The following GNL3L variants were observed in gnomAD, a reference collection of about 807,000 sequenced individuals.
The protein encoded by GNL3L is guanine nucleotide-binding protein-like 3-like protein.
In GNL3L, 4 loss-of-function variants were observed where a neutral mutation model predicts 42.9. The observed-to-expected ratio is 0.09, with a 90% confidence interval of 0.05 to 0.21. The LOEUF is 0.21. GNL3L is among the 10% of genes least tolerant of loss of function. The pLI is 1.00. For missense variants in GNL3L, 412 were observed against 481.7 expected (o/e 0.86, Z 1.36); for synonymous variants, 159 against 176.3 (o/e 0.90, Z 0.78).
downstream of GNL3L, among the ~76,000 whole-genome samples, chrX:54,624,167 C>T (rs1352809873): frequency 2.7e-5 from 3 of 111,199 alleles, no homozygotes; most frequent in East Asian, 8.5e-4. Flanking sequence ...GCAATTCACC[C>T]GCCTCGGCCT....
chrX:54,632,429 C>G, the GNL3L span, among the ~76,000 whole-genome samples: 1 of 108,831 alleles, frequency 9.2e-6, no homozygotes, highest in Admixed American at 9.7e-5. Context: ...TTTTTTTTAA[C>G]ATAATTTCAA....
At position 54,551,561 on chromosome X, in the gene GNL3L, G is replaced by C. The variant is rs778958675; in HGVS notation, c.864-7G>C. On this transcript the variant is annotated splice_polypyrimidine_tract_variant and splice_region_variant and intron_variant, in intron 10 of 15. Transcript: ENST00000360845. ...GTACATCTGGGCTTTCTTCTTCCCC[G>C]CCCCAGATTCATGCAGGAGGTCTAC... 8.3e-7 allele frequency: 1 copy of C among 1,203,535 alleles called. No individual in the cohort carries two copies. Among genetic ancestry groups the C allele is most frequent in the Admixed American group, 2.2e-5 (1 of 45,475 alleles).
At chrX:54,625,859 A>G (rs1926355032), downstream of GNL3L, among the ~76,000 whole-genome samples, 1 of 106,038 alleles carries the variant, frequency 9.4e-6, no homozygotes, top group Non-Finnish European at 1.9e-5. Context: ...ATGACAAAAT[A>G]TATGTGTATA....
intron 3 of GNL3L, among the ~76,000 whole-genome samples, chrX:54,539,536 G>A (rs926641765): frequency 9.0e-6 from 1 of 110,767 alleles, no homozygotes; most frequent in African/African-American, 3.3e-5. Context: ...TGAGAAGAAG[G>A]TATAGGCCAG....
chrX:54,548,572 C>T (rs1045515889), intron 9 of GNL3L, among the ~76,000 whole-genome samples, 199 bp downstream of exon 9: 11 of 110,965 alleles, frequency 9.9e-5, no homozygotes, highest in African/African-American at 3.6e-4. Context: ...ATACAGGGTG[C>T]CAGGCTTGGA....
At chrX:54,543,391 C>G (rs759677772) in intron 7 of GNL3L, 49 bp downstream of exon 7, 16 of 1,155,573 alleles carry the variant, frequency 1.4e-5, no homozygotes, top group Non-Finnish European at 1.8e-5. Context: ...GGCAGGCCAT[C>G]TTTAACGTCT....
chrX:54,532,663 T>C lies in GNL3L; in HGVS notation c.19+78T>C, dbSNP rs1601974022. 7 of 860,309 alleles carry C rather than the reference T, an allele frequency of 8.1e-6. No homozygotes were observed. In the East Asian group the frequency reaches 2.2e-4, roughly 27 times the overall value. 70.9% of individuals were successfully genotyped at this position (860,309 alleles called of 1,213,427 possible). A position where few individuals can be genotyped will look rare whatever the true frequency, so the allele number is the denominator to read the frequency against. On this transcript the variant is annotated intron_variant, in intron 2 of 15. Coordinates refer to ENST00000360845, the MANE Select transcript of GNL3L (RefSeq NM_001184819.2). ...AGAATTTCACAGCAACTTTTTGTTT[T>C]TTTGGTTTTTGTTTTGAGATGGAGT...
At chrX:54,574,619 T>C (rs1393387686) in intron 16 of GNL3L, among the ~76,000 whole-genome samples, 1 of 112,290 alleles carries the variant, frequency 8.9e-6, no homozygotes, top group Non-Finnish European at 1.9e-5. Flanking sequence ...CTGTTTTTGG[T>C]ATCAGAATAA....
chrX:54,579,986 G>GTTTGTT (rs1925686493), intron 16 of GNL3L, among the ~76,000 whole-genome samples: 1 of 47,704 alleles, frequency 2.1e-5, no homozygotes, highest in African/African-American at 9.8e-5. Flanking sequence ...CCTAAAGTTT[G>GTTTGTT]TTTTTTTTTT....
the GNL3L span, among the ~76,000 whole-genome samples, chrX:54,639,642 C>G: frequency 9.0e-6 from 1 of 111,703 alleles, no homozygotes; most frequent in African/African-American, 3.3e-5. Flanking sequence ...AGTTTACCAG[C>G]GTCTCTTACA....
intron 13 of GNL3L, among the ~76,000 whole-genome samples, chrX:54,552,930 AGCTC>A (rs1285675104): frequency 3.6e-5 from 4 of 112,091 alleles, no homozygotes; most frequent in African/African-American, 1.3e-4. Context: ...AGACTCTTCC[AGCTC>A]ACAGGAGCTG....
At chrX:54,602,244 C>T (rs957277901) in intron 16 of GNL3L, among the ~76,000 whole-genome samples, 4 of 111,493 alleles carry the variant, frequency 3.6e-5, no homozygotes, top group African/African-American at 9.8e-5. Flanking sequence ...CACCAGCACT[C>T]GATATTGTTA....
intron 16 of GNL3L, among the ~76,000 whole-genome samples, chrX:54,614,913 T>C (rs1926204138): frequency 9.0e-6 from 1 of 111,257 alleles, no homozygotes; most frequent in Non-Finnish European, 1.9e-5. Context: ...AGAGCTGCAA[T>C]CTAATCTTGC....
At chrX:54,596,931 G>T (rs142546880) in intron 16 of GNL3L, among the ~76,000 whole-genome samples, 23 of 110,940 alleles carry the variant, frequency 2.1e-4, no homozygotes, top group African/African-American at 4.3e-4. Context: ...TCCTGGCCTG[G>T]GACTCACCCT....
At chrX:54,602,691 A>G (rs923394633) in intron 16 of GNL3L, among the ~76,000 whole-genome samples, 41 of 111,576 alleles carry the variant, frequency 3.7e-4, no homozygotes, top group African/African-American at 1.3e-3. Flanking sequence ...ATAGGTGGCC[A>G]TGTTGGAATA....
chrX:54,541,900 G>T (rs1434914581), intron 5 of GNL3L, among the ~76,000 whole-genome samples: 5 of 110,390 alleles, frequency 4.5e-5, no homozygotes, highest in Non-Finnish European at 9.5e-5. Flanking sequence ...CTCATAGATT[G>T]TTTTTTTCAC....
At chrX:54,540,275 G>A (rs1391271269) in intron 4 of GNL3L, 33 bp downstream of exon 4, 3 of 947,442 alleles carry the variant, frequency 3.2e-6, no homozygotes, top group East Asian at 6.2e-5. Context: ...GAGAGAGAGG[G>A]CCTGCCTTGA....
chrX:54,562,357 T>C lies in GNL3L; in HGVS notation c.*1755T>C, dbSNP rs1925294645. On this transcript the variant is annotated 3_prime_UTR_variant, in exon 16 of 16. Coordinates refer to ENST00000360845, the MANE Select transcript of GNL3L (RefSeq NM_001184819.2). ...CACTGTGCCCAGCCTCACAGCTGCA[T>C]CTTAACCTTACCTTTGCCTCTGCCT... Among the ~76,000 whole-genome samples, 2 of 112,190 alleles carry C rather than the reference T, an allele frequency of 1.8e-5. No individual in the cohort carries two copies. The highest frequency in any genetic ancestry group is 3.2e-5 in the African/African-American group (1 of 30,890).
chrX:54,560,958 T>C lies in GNL3L; in HGVS notation c.*356T>C, dbSNP rs1925248751. On this transcript the variant is annotated 3_prime_UTR_variant, in exon 16 of 16. Coordinates refer to ENST00000360845, the MANE Select transcript of GNL3L (RefSeq NM_001184819.2). Reference sequence around the variant, plus strand: ...GGGAGGCTGAGGCAGGAGAATCGCCTGAACCTGGGAGACTAAGGCAGGAGA... The same window carrying C: ...GGGAGGCTGAGGCAGGAGAATCGCCCGAACCTGGGAGACTAAGGCAGGAGA... 8.5e-6 allele frequency: 1 copy of C among 118,235 alleles called. No individual in the cohort carries two copies. The highest frequency in any genetic ancestry group is 1.7e-5 in the Non-Finnish European group (1 of 58,732). 9.7% of individuals were successfully genotyped at this position (118,235 alleles called of 1,213,427 possible).
Sources: gnomAD v4.1 joint callset for allele counts (sites outside exome capture counted in the v4.1 genomes callset) on GRCh38, gnomAD v4.1.1 for gene constraint, MANE v1.5 for transcripts, NCBI Gene and HGNC (gene_info 2026-07-23, HGNC 2026-07-21) for gene names.